The following RAD51B variants were observed in gnomAD, a reference collection of about 807,000 sequenced individuals.
RAD51B encodes the protein RAD51 paralog B.
RAD51B carries 38 observed loss-of-function variants against 42.2 expected under a neutral mutation model. The observed-to-expected ratio is 0.90, with a 90% CI of 0.70 to 1.18. RAD51B has a LOEUF of 1.18. RAD51B is among the 50% of genes most tolerant of loss of function. RAD51B has a pLI of 0.00. For synonymous variants in RAD51B, 154 were observed against 145.2 expected, an observed-to-expected ratio of 1.06 and a Z score of -0.43; for missense variants, 373 against 400.7, an observed-to-expected ratio of 0.93 and a Z score of 0.59.
At chr14:68,468,150 G>A in intron 9 of RAD51B, 22 bp from the exon 10 acceptor site, 3 of 1,608,194 alleles carry the variant, frequency 1.9e-6, no homozygotes, top group Non-Finnish European at 2.6e-6. Context: ...ACTAACCCTA[G>A]AAAAATGTGC....
chr14:68,381,877 C>T (rs1170145554), intron 8 of RAD51B, among the ~76,000 whole-genome samples: 1 of 152,198 alleles, frequency 6.6e-6, no homozygotes, highest in Admixed American at 6.5e-5. Context: ...TCTGTCCACT[C>T]ACAAGACCTC....
At chr14:68,324,171 G>T (rs1368440974) in intron 8 of RAD51B, among the ~76,000 whole-genome samples, 1 of 152,196 alleles carries the variant, frequency 6.6e-6, no homozygotes, top group African/African-American at 2.4e-5. Context: ...TTACAGTGCT[G>T]TTTGGGTGGT....
At chr14:68,022,077 C>G (rs2075877159) in intron 7 of RAD51B, among the ~76,000 whole-genome samples, 1 of 152,190 alleles carries the variant, frequency 6.6e-6, no homozygotes, top group Non-Finnish European at 1.5e-5. Context: ...ACCTATACTC[C>G]TCTCCATTCC....
rs542230546 is a variant in RAD51B, at chr14:68,292,150, T to C, written c.853+170T>C. Among the ~76,000 whole-genome samples, 93 of 152,322 alleles carry C rather than the reference T, an allele frequency of 6.1e-4. 1 individual carries two copies. The highest frequency in any genetic ancestry group is 2.3e-3 in the South Asian group (11 of 4,826). Reference sequence around the variant, plus strand: ...ACCTTTCCTGGCATCTGATCTCTTATATTGGGGAGTCTTTTGCCCTGCCTC... The same window carrying C: ...ACCTTTCCTGGCATCTGATCTCTTACATTGGGGAGTCTTTTGCCCTGCCTC... On this transcript the variant is annotated intron_variant, in intron 8 of 10. Transcript: ENST00000471583.
chr14:68,166,167 T>A (rs946444752), intron 7 of RAD51B, among the ~76,000 whole-genome samples: 1 of 69,844 alleles, frequency 1.4e-5, no homozygotes. Context: ...TTATTTCTGC[T>A]CTTTTTTTTT....
At chr14:67,883,249 G>T (rs2042967912) in intron 5 of RAD51B, among the ~76,000 whole-genome samples, 1 of 145,850 alleles carries the variant, frequency 6.9e-6, no homozygotes, top group South Asian at 2.2e-4. Context: ...TTTAAAAAAA[G>T]AAGTCAGATC....
In RAD51B at chr14:67,835,190, C is replaced by T; in HGVS notation, c.309C>T (p.Leu103=). The T allele has an allele frequency of 6.2e-7, 1 of 1,612,118 alleles. No homozygotes were observed. Reference sequence around the variant, plus strand: ...ATGGTGGTGTGGCTTGTGGATCCCTCACAGAGGTAAAGGAAAAATTTTTCG... The same window carrying T: ...ATGGTGGTGTGGCTTGTGGATCCCTTACAGAGGTAAAGGAAAAATTTTTCG... ...ALHGGVACGS[L]TEITGPPGCG... is the part of the protein sequence containing the mutation. Residue 103 remains leucine (L), a synonymous_variant, in exon 4 of 11, where the codon CTC becomes CTT. Coordinates refer to ENST00000471583, the MANE Select transcript of RAD51B (RefSeq NM_133510.4).
intron 7 of RAD51B, among the ~76,000 whole-genome samples, chr14:68,144,419 G>A (rs17105062): frequency 0.025 from 3,830 of 152,304 alleles, 129 homozygotes; most frequent in African/African-American, 0.074. Flanking sequence ...CAATATAGGG[G>A]AACACCATGT....
At chr14:67,922,268 G>T (rs2044351055) in intron 7 of RAD51B, among the ~76,000 whole-genome samples, 2 of 152,206 alleles carry the variant, frequency 1.3e-5, no homozygotes, top group African/African-American at 4.8e-5. Context: ...CCTTGGGGGA[G>T]ATATCTGAAC....
intron 7 of RAD51B, among the ~76,000 whole-genome samples, chr14:68,081,046 A>AT (rs2140489670): frequency 6.6e-6 from 1 of 152,306 alleles, no homozygotes; most frequent in Non-Finnish European, 1.5e-5. Context: ...GGAGACTCAA[A>AT]GTTCTGTAGC....
chr14:68,561,916 G>A, intron 10 of RAD51B: 1 of 969,048 alleles, frequency 1.0e-6, no homozygotes, highest in Non-Finnish European at 1.2e-6. Flanking sequence ...CGAGTGGGAG[G>A]ATGAAATGAG....
intron 9 of RAD51B, among the ~76,000 whole-genome samples, chr14:68,423,994 CTCT>C (rs1288362612): frequency 1.3e-5 from 2 of 152,144 alleles, no homozygotes; most frequent in African/African-American, 4.8e-5. Context: ...CTTTTCTGTG[CTCT>C]GGGTTTGGCT....
intron 11 of RAD51B, among the ~76,000 whole-genome samples, chr14:68,670,983 C>A (rs1893144081): frequency 6.6e-6 from 1 of 152,224 alleles, no homozygotes; most frequent in African/African-American, 2.4e-5. Context: ...GACCAGATTG[C>A]ACCCTGATGC....
At chr14:68,379,812 G>A (rs527772194) in intron 8 of RAD51B, among the ~76,000 whole-genome samples, 15 of 152,342 alleles carry the variant, frequency 9.8e-5, no homozygotes, top group Admixed American at 8.5e-4. Context: ...GGCAACTGTT[G>A]CTGGGCTGGT....
chr14:67,905,166 G>T (rs1300291257), intron 7 of RAD51B, among the ~76,000 whole-genome samples: 5 of 151,922 alleles, frequency 3.3e-5, no homozygotes, highest in African/African-American at 1.2e-4. Flanking sequence ...ATTTAATAGA[G>T]AATTCAGTAA....
intron 7 of RAD51B, among the ~76,000 whole-genome samples, chr14:68,249,732 C>T (rs1464645012): frequency 6.6e-6 from 1 of 152,196 alleles, no homozygotes; most frequent in Non-Finnish European, 1.5e-5. Context: ...GCCCTGGTGA[C>T]ATGAAAGGGC....
intron 9 of RAD51B, among the ~76,000 whole-genome samples, chr14:68,465,990 A>AT (rs2085977421): frequency 6.6e-6 from 1 of 151,428 alleles, no homozygotes; most frequent in African/African-American, 2.4e-5. Flanking sequence ...AAATAAATAA[A>AT]TAAATTCACA....
At chr14:68,587,682 C>T (rs57357380) in intron 10 of RAD51B, among the ~76,000 whole-genome samples, 6,515 of 152,172 alleles carry the variant, frequency 0.043, 480 homozygotes, top group African/African-American at 0.15. Flanking sequence ...TCTTCCTCCA[C>T]AGCTTCTGAG....
At chr14:68,131,424 G>A (rs1045922300) in intron 7 of RAD51B, among the ~76,000 whole-genome samples, 2 of 152,114 alleles carry the variant, frequency 1.3e-5, no homozygotes, top group Non-Finnish European at 2.9e-5. Flanking sequence ...CGCTGGGTGC[G>A]GTGGCTCACG....
Sources: gnomAD v4.1 joint callset for allele counts (sites outside exome capture counted in the v4.1 genomes callset) on GRCh38, gnomAD v4.1.1 for gene constraint, MANE v1.5 for transcripts, NCBI Gene and HGNC (gene_info 2026-07-23, HGNC 2026-07-21) for gene names.